VAV3: variants seen among roughly 807,000 people sequenced by gnomAD.
VAV3 encodes vav guanine nucleotide exchange factor 3, also known as guanine nucleotide exchange factor VAV3.
VAV3 carries 94 observed loss-of-function variants against 131.2 expected under a neutral mutation model. The observed-to-expected ratio is 0.72, with a 90% CI of 0.61 to 0.85. VAV3 has a LOEUF of 0.85. Ranked by LOEUF, VAV3 falls within the 40% of genes least tolerant of loss-of-function variation. The probability of loss-of-function intolerance (pLI) is 0.00; values close to 1 mark genes in which losing one functional copy is unlikely to be tolerated. For missense variants in VAV3, 939 were observed against 1,002.7 expected (o/e 0.94, Z 0.86); for synonymous variants, 349 against 342.0 (o/e 1.02, Z -0.22).
intron 20 of VAV3, among the ~76,000 whole-genome samples, chr1:107,624,143 C>A (rs1156289230): frequency 1.3e-5 from 2 of 151,838 alleles, no homozygotes; most frequent in Non-Finnish European, 2.9e-5. Context: ...GAAATGTATA[C>A]TGAGAAAAAA....
At chr1:107,904,596 TG>T (rs917356494) in intron 1 of VAV3, among the ~76,000 whole-genome samples, 5 of 152,264 alleles carry the variant, frequency 3.3e-5, no homozygotes, top group Non-Finnish European at 4.4e-5. Flanking sequence ...GTAACAGTTT[TG>T]CCTCCTGCCC....
intron 1 of VAV3, among the ~76,000 whole-genome samples, chr1:107,889,467 A>C (rs1379491301): frequency 6.6e-6 from 1 of 152,152 alleles, no homozygotes; most frequent in African/African-American, 2.4e-5. Flanking sequence ...ACTAGCAATA[A>C]TTGTGGTAAG....
At chr1:107,699,738 T>TC (rs1404339570) in intron 17 of VAV3, among the ~76,000 whole-genome samples, 10 of 145,144 alleles carry the variant, frequency 6.9e-5, no homozygotes, top group Middle Eastern at 7.2e-3. Context: ...TTTCTCTCTC[T>TC]TTTTTTTTTT....
At chr1:107,647,966 A>C (rs1397719178) in intron 19 of VAV3, among the ~76,000 whole-genome samples, 1 of 152,002 alleles carries the variant, frequency 6.6e-6, no homozygotes, top group Admixed American at 6.6e-5. Context: ...AGAAAGCATG[A>C]CTTTTTCATT....
intron 6 of VAV3, among the ~76,000 whole-genome samples, chr1:107,769,597 C>A (rs1327165411): frequency 6.6e-6 from 1 of 152,224 alleles, no homozygotes; most frequent in Non-Finnish European, 1.5e-5. Context: ...ATGGCCCAAT[C>A]TATTTGTCAA....
At chr1:107,781,851 T>C (rs1665707654) in intron 2 of VAV3, among the ~76,000 whole-genome samples, 1 of 152,178 alleles carries the variant, frequency 6.6e-6, no homozygotes, top group Non-Finnish European at 1.5e-5. Context: ...TGTCAGTGAG[T>C]TTGTAAACTC....
At chr1:107,829,539 C>A (rs1168662951) in intron 2 of VAV3, among the ~76,000 whole-genome samples, 1 of 152,112 alleles carries the variant, frequency 6.6e-6, no homozygotes, top group African/African-American at 2.4e-5. Context: ...TCTGTGTGGG[C>A]ACTTCCTTTG....
At chr1:107,789,155 A>G (rs533110379) in intron 2 of VAV3, among the ~76,000 whole-genome samples, 1 of 152,298 alleles carries the variant, frequency 6.6e-6, no homozygotes, top group African/African-American at 2.4e-5. Flanking sequence ...TATGACCTAA[A>G]GGACTTAGAA....
chr1:107,828,797 C>T (rs1668121305), intron 2 of VAV3, among the ~76,000 whole-genome samples: 1 of 152,102 alleles, frequency 6.6e-6, no homozygotes, highest in South Asian at 2.1e-4. Context: ...TCTGCAAAGT[C>T]CTTTTTGCCA....
chr1:107,777,318 A>G (rs758169642), intron 3 of VAV3, 22 bp from the exon 4 acceptor site: 2 of 1,604,366 alleles, frequency 1.2e-6, no homozygotes, highest in Non-Finnish European at 8.5e-7. Context: ...AGAAAAAACA[A>G]AAACAAAAAA....
intron 10 of VAV3, among the ~76,000 whole-genome samples, chr1:107,759,863 T>C (rs941839587): frequency 1.3e-5 from 2 of 152,180 alleles, no homozygotes; most frequent in Admixed American, 6.5e-5. Context: ...TGGACATGTA[T>C]TTAGTTCCAG....
intron 21 of VAV3, among the ~76,000 whole-genome samples, chr1:107,611,192 G>A (rs1353273205): frequency 6.6e-6 from 1 of 152,164 alleles, no homozygotes; most frequent in Admixed American, 6.6e-5. Flanking sequence ...TCATGTCAGT[G>A]CTTAAAAAGT....
rs12084471 is a variant in VAV3, at chr1:107,879,862, G to T, written c.205-4845C>A. Among the ~76,000 whole-genome samples, 627 of 152,278 alleles carry T rather than the reference G, an allele frequency of 4.1e-3. 5 individuals are homozygous for T. The highest frequency in any genetic ancestry group is 0.014 in the African/African-American group (589 of 41,566). On this transcript the variant is annotated intron_variant, in intron 1 of 26. Coordinates refer to ENST00000370056, the MANE Select transcript of VAV3 (RefSeq NM_006113.5). ...AGTGTATCCATATAAGAGTTGCCAA[G>T]TAAGGATACACAAAAGTTTAAATAG... is the stretch of plus-strand genomic sequence containing the variant.
At chr1:107,608,950 A>G (rs1054838579) in intron 22 of VAV3, among the ~76,000 whole-genome samples, 1 of 152,196 alleles carries the variant, frequency 6.6e-6, no homozygotes, top group African/African-American at 2.4e-5. Flanking sequence ...GTCAAACACA[A>G]AATTCAGGAA....
intron 20 of VAV3, among the ~76,000 whole-genome samples, chr1:107,636,539 A>G (rs1050848092): frequency 6.6e-6 from 1 of 152,178 alleles, no homozygotes; most frequent in Non-Finnish European, 1.5e-5. Context: ...AGCCTACCTT[A>G]AACATGCTCA....
At chr1:107,798,883 A>C (rs1385220090) in intron 2 of VAV3, among the ~76,000 whole-genome samples, 2 of 152,230 alleles carry the variant, frequency 1.3e-5, no homozygotes, top group Non-Finnish European at 1.5e-5. Context: ...ACTTTTATTC[A>C]GAAGAAGATT....
intron 2 of VAV3, among the ~76,000 whole-genome samples, chr1:107,835,364 A>G (rs1247562132): frequency 6.6e-6 from 1 of 152,140 alleles, no homozygotes; most frequent in Non-Finnish European, 1.5e-5. Flanking sequence ...GCAACCCCCC[A>G]GGTTAGAGCA....
chr1:107,703,159 T>C (rs114473079), intron 17 of VAV3, among the ~76,000 whole-genome samples: 246 of 152,134 alleles, frequency 1.6e-3, no homozygotes, highest in African/African-American at 5.5e-3. Flanking sequence ...TATGAGCAAA[T>C]AAAATGTTAA....
In VAV3 at chr1:107,657,198, G is replaced by A. The variant is rs564538348; in HGVS notation, c.1778-14443C>T. Among the ~76,000 whole-genome samples, 9 of 151,970 alleles carry A rather than the reference G, an allele frequency of 5.9e-5. No homozygotes were observed. In the East Asian group the frequency reaches 1.4e-3, roughly 23 times the overall value. Reference sequence around the variant, plus strand: ...TCAAACTCCTGACCTCAAGTGATCCGCCCGTCTCGGCCTCCCAAAGTGCTG... The same window carrying A: ...TCAAACTCCTGACCTCAAGTGATCCACCCGTCTCGGCCTCCCAAAGTGCTG... On this transcript the variant is annotated intron_variant, in intron 19 of 26. Coordinates refer to ENST00000370056, the MANE Select transcript of VAV3 (RefSeq NM_006113.5).
Sources: gnomAD v4.1 joint callset for allele counts (sites outside exome capture counted in the v4.1 genomes callset) on GRCh38, gnomAD v4.1.1 for gene constraint, MANE v1.5 for transcripts, NCBI Gene and HGNC (gene_info 2026-07-23, HGNC 2026-07-21) for gene names.